Variants in AKAP6 observed in about 807,000 individuals in gnomAD.
AKAP6 encodes A-kinase anchoring protein 6, also known as A-kinase anchor protein 6.
AKAP6 carries 58 observed loss-of-function variants against 188.5 expected under a neutral mutation model. The observed-to-expected ratio is 0.31, with a 90% confidence interval of 0.25 to 0.38. AKAP6 has a LOEUF of 0.38. Ranked by LOEUF, AKAP6 falls within the 10% of genes least tolerant of loss-of-function variation. AKAP6 has a pLI of 1.00. For missense variants in AKAP6, 2,710 were observed against 2,740.0 expected (o/e 0.99, Z 0.24); for synonymous variants, 989 against 998.6 (o/e 0.99, Z 0.18).
intron 9 of AKAP6, among the ~76,000 whole-genome samples, chr14:32,716,793 TA>T (rs2030233580): frequency 6.6e-6 from 1 of 151,804 alleles, no homozygotes; most frequent in African/African-American, 2.4e-5. Context: ...TACAATACAT[TA>T]TTTCTAAGAC....
chr14:32,616,663 T>C (rs1432659363), intron 7 of AKAP6, among the ~76,000 whole-genome samples: 3 of 152,130 alleles, frequency 2.0e-5, no homozygotes, highest in Non-Finnish European at 4.4e-5. Context: ...GTTTAGCATC[T>C]GGATGACAAA....
Position 32,433,461 on chromosome 14 carries a change from T to A in AKAP6, c.-33T>A. ...TTCTTCTTTCCTCTTGCCTTTCAGC[T>A]GTTTTGGAAAGAAGTGAGGTTTAGA... On this transcript the variant is annotated splice_region_variant and 5_prime_UTR_variant, in exon 2 of 14. Coordinates refer to ENST00000280979, the MANE Select transcript of AKAP6 (RefSeq NM_004274.5). 6.3e-7 allele frequency: 1 copy of A among 1,582,296 alleles called. No individual in the cohort carries two copies. The highest frequency in any genetic ancestry group is 2.3e-5 in the East Asian group (1 of 44,366).
intron 2 of AKAP6, among the ~76,000 whole-genome samples, chr14:32,460,864 G>T (rs1891299702): frequency 1.3e-5 from 2 of 152,186 alleles, no homozygotes; most frequent in African/African-American, 4.8e-5. Flanking sequence ...GTCAGTCTGG[G>T]ACTACCAAGC....
At chr14:32,521,253 A>C (rs1252199183) in intron 2 of AKAP6, among the ~76,000 whole-genome samples, 2 of 152,168 alleles carry the variant, frequency 1.3e-5, no homozygotes, top group Non-Finnish European at 1.5e-5. Flanking sequence ...AAAAACTGGA[A>C]GCATTCCCTT....
At chr14:32,408,368 C>A (rs1889366403) in intron 1 of AKAP6, among the ~76,000 whole-genome samples, 1 of 151,880 alleles carries the variant, frequency 6.6e-6, no homozygotes, top group South Asian at 2.1e-4. Flanking sequence ...TCAATTGGGT[C>A]AGAGACGTAA....
intron 2 of AKAP6, among the ~76,000 whole-genome samples, chr14:32,472,894 G>GA (rs5807660): frequency 4.0e-5 from 6 of 150,844 alleles, no homozygotes; most frequent in Admixed American, 2.6e-4. Context: ...TGTATTAAAG[G>GA]AAAAAAAAAG....
chr14:32,778,924 A>C (rs1317627749), intron 12 of AKAP6, among the ~76,000 whole-genome samples: 1 of 151,662 alleles, frequency 6.6e-6, no homozygotes. Flanking sequence ...TTTAAAAAAA[A>C]ATAAAAGAAA....
At chr14:32,412,367 A>G (rs1278841578) in intron 1 of AKAP6, among the ~76,000 whole-genome samples, 2 of 152,224 alleles carry the variant, frequency 1.3e-5, no homozygotes, top group Admixed American at 1.3e-4. Flanking sequence ...GTGTCACACA[A>G]TCCTTGCTTT....
At chr14:32,524,952 GCA>G (rs1200887666) in intron 2 of AKAP6, among the ~76,000 whole-genome samples, 1 of 152,148 alleles carries the variant, frequency 6.6e-6, no homozygotes, top group Non-Finnish European at 1.5e-5. Context: ...TGGTTAACAA[GCA>G]CACTGCAAGG....
At chr14:32,540,158 CTCTCTCTCTCTATA>C (rs1292733210) in intron 3 of AKAP6, among the ~76,000 whole-genome samples, 78 of 112,756 alleles carry the variant, frequency 6.9e-4, no homozygotes, top group East Asian at 3.2e-3. Context: ...CTCTCTCTCT[CTCTCTCTCTCTATA>C]TATATATATA....
At chr14:32,467,445 A>G (rs1415630105) in intron 2 of AKAP6, among the ~76,000 whole-genome samples, 1 of 152,076 alleles carries the variant, frequency 6.6e-6, no homozygotes, top group African/African-American at 2.4e-5. Flanking sequence ...TAAAATTTCC[A>G]TAATAAAAAG....
At chr14:32,471,886 G>A (rs1353559628) in intron 2 of AKAP6, among the ~76,000 whole-genome samples, 2 of 152,206 alleles carry the variant, frequency 1.3e-5, no homozygotes, top group Non-Finnish European at 1.5e-5. Flanking sequence ...TCTGGGTCAG[G>A]ATTTTTGTGC....
At chr14:32,782,320 GA>G (rs2033278699) in intron 12 of AKAP6, among the ~76,000 whole-genome samples, 1 of 152,002 alleles carries the variant, frequency 6.6e-6, no homozygotes, top group Admixed American at 6.6e-5. Context: ...GGAAAAAACA[GA>G]ATACTTCTCC....
chr14:32,750,737 G>GTT (rs71293226), intron 11 of AKAP6, among the ~76,000 whole-genome samples: 80,115 of 138,004 alleles, frequency 0.58, 26,061 homozygotes, highest in Non-Finnish European at 0.72. Context: ...AATTAATTTT[G>GTT]TTTTTTTTTT....
chr14:32,617,988 A>ATG (rs1886654525), intron 7 of AKAP6, among the ~76,000 whole-genome samples: 2 of 151,706 alleles, frequency 1.3e-5, no homozygotes, highest in Non-Finnish European at 2.9e-5. Context: ...GTTGATTCAT[A>ATG]CTCTTTGAGA....
intron 9 of AKAP6, among the ~76,000 whole-genome samples, chr14:32,728,454 G>T (rs1048038560): frequency 6.6e-6 from 1 of 151,508 alleles, no homozygotes; most frequent in Non-Finnish European, 1.5e-5. Context: ...GGATAAACAG[G>T]TGTTTGTGGC....
At chr14:32,779,295 C>A (rs1237173961) in intron 12 of AKAP6, among the ~76,000 whole-genome samples, 2 of 150,896 alleles carry the variant, frequency 1.3e-5, no homozygotes, top group Non-Finnish European at 3.0e-5. Flanking sequence ...CTCAGCTGCC[C>A]ACTACTCAGG....
chr14:32,667,596 G>A (rs952663076), intron 7 of AKAP6, among the ~76,000 whole-genome samples: 6 of 152,002 alleles, frequency 3.9e-5, no homozygotes, highest in African/African-American at 1.2e-4. Flanking sequence ...GCTCAAAGTC[G>A]AGATTCTTGA....
chr14:32,343,746 C>CAAAAAAAAAA (rs56376110), intron 1 of AKAP6, among the ~76,000 whole-genome samples: 3 of 37,262 alleles, frequency 8.1e-5, no homozygotes, highest in African/African-American at 9.7e-5. Context: ...GATTCCGTCT[C>CAAAAAAAAAA]AAAAAAAAAA....
Sources: gnomAD v4.1 joint callset for allele counts (sites outside exome capture counted in the v4.1 genomes callset) on GRCh38, gnomAD v4.1.1 for gene constraint, MANE v1.5 for transcripts, NCBI Gene and HGNC (gene_info 2026-07-23, HGNC 2026-07-21) for gene names.